Variants in KIRREL3 observed in about 807,000 individuals in gnomAD.
KIRREL3 encodes kirre like nephrin family adhesion molecule 3.
KIRREL3 carries 36 observed loss-of-function variants against 89.7 expected under a neutral mutation model. The ratio of observed to expected loss-of-function variants is 0.40; its 90% confidence interval spans 0.31 to 0.53. The LOEUF is 0.53. KIRREL3 is among the 20% of genes least tolerant of loss of function. The probability of loss-of-function intolerance (pLI) is 0.49; values close to 1 mark genes in which losing one functional copy is unlikely to be tolerated. For synonymous variants in KIRREL3, 445 were observed against 441.4 expected, an observed-to-expected ratio of 1.01 and a Z score of -0.10; for missense variants, 864 against 1,056.6, an observed-to-expected ratio of 0.82 and a Z score of 2.53.
At chr11:126,880,408 C>T (rs1168935453) in intron 1 of KIRREL3, among the ~76,000 whole-genome samples, 1 of 152,172 alleles carries the variant, frequency 6.6e-6, no homozygotes, top group Non-Finnish European at 1.5e-5. Context: ...ATCATTTGTG[C>T]CTTCCTCCAA....
rs199586143 is a variant in KIRREL3 at position 126,517,136 on chromosome 11, A to AAGAGAGAGAGAGAGAGAGAGAG, written c.433+4157_433+4178dup. ...TTAGAGATTGAGAGAGAGAGAGAGAAAGAGAGAGAGAGAGAGAGAGAGAGA... is the reference window on the plus strand; with the variant it reads ...TTAGAGATTGAGAGAGAGAGAGAGAAAGAGAGAGAGAGAGAGAGAGAGAGAGAGAGAGAGAGAGAGAGAGAGA... On this transcript the variant is annotated intron_variant, in intron 4 of 16. Coordinates refer to ENST00000525144, the MANE Select transcript of KIRREL3 (RefSeq NM_032531.4). Among the ~76,000 whole-genome samples the AAGAGAGAGAGAGAGAGAGAGAG allele has an allele frequency of 3.2e-3, 446 of 140,868 alleles. 9 individuals are homozygous for AAGAGAGAGAGAGAGAGAGAGAG. Among genetic ancestry groups the AAGAGAGAGAGAGAGAGAGAGAG allele is most frequent in the Middle Eastern group, 0.012 (3 of 254 alleles). 92.4% of individuals were successfully genotyped at this position (140,868 alleles called of 152,430 possible).
chr11:126,467,629 C>CT (rs546070258), intron 5 of KIRREL3, among the ~76,000 whole-genome samples: 54 of 140,938 alleles, frequency 3.8e-4, no homozygotes, highest in Middle Eastern at 3.6e-3. Context: ...TGCTGGGTCC[C>CT]TTTTTTTTTT....
At position 126,520,662 on chromosome 11, in the gene KIRREL3, T is replaced by C. The variant is rs1241723834; in HGVS notation, c.433+653A>G. Among the ~76,000 whole-genome samples, 2 of 152,278 alleles carry C rather than the reference T, an allele frequency of 1.3e-5. No individual in the cohort carries two copies. Among genetic ancestry groups the C allele is most frequent in the East Asian group, 3.9e-4 (2 of 5,176 alleles). ...TAAGAGGTCACCGAGCCCATTCCCC[T>C]GTCTTCAGGCAAGATGATCCAGGAA... is the stretch of plus-strand genomic sequence containing the variant. On this transcript the variant is annotated intron_variant, in intron 4 of 16. Coordinates refer to ENST00000525144, the MANE Select transcript of KIRREL3 (RefSeq NM_032531.4). This position sits in a 1 kb window ranked among gnomAD's most constrained non-coding sequence, Gnocchi z 4.9.
rs1008005373 is a variant in KIRREL3 at position 126,623,628 on chromosome 11, G to A, written c.56-60716C>T. 2.0e-5 allele frequency among the ~76,000 whole-genome samples: 3 copies of A among 152,090 alleles called. No individual in the cohort carries two copies. Among genetic ancestry groups the A allele is most frequent in the Non-Finnish European group, 2.9e-5 (2 of 68,018 alleles). ...ACAGCTGATGGGCCAGCAAGGATGC[G>A]GGGAGGATACCTGTGGTCAGGACCA... is the stretch of plus-strand genomic sequence containing the variant. On this transcript the variant is annotated intron_variant, in intron 1 of 16. Transcript: ENST00000525144. The surrounding 1 kb of genome is among the most constrained non-coding windows in gnomAD (Gnocchi z 4.1).
intron 2 of KIRREL3, among the ~76,000 whole-genome samples, chr11:126,556,211 G>T (rs1285235915): frequency 6.6e-6 from 1 of 152,202 alleles, no homozygotes; most frequent in Admixed American, 6.5e-5. Flanking sequence ...TGCAGTCCAG[G>T]GGAGAGAGGC....
chr11:126,702,435 TC>T (rs1947348119), intron 1 of KIRREL3, among the ~76,000 whole-genome samples: 1 of 151,516 alleles, frequency 6.6e-6, no homozygotes, highest in Admixed American at 6.6e-5. Context: ...GCCACACTGT[TC>T]CCATTACTCA....
In KIRREL3 at chr11:126,843,472, A is replaced by T. The variant is rs149246254; in HGVS notation, c.55+156983T>A. Among the ~76,000 whole-genome samples the T allele has an allele frequency of 6.5e-3, 994 of 152,184 alleles. 26 individuals are homozygous for T. Among genetic ancestry groups the T allele is most frequent in the Admixed American group, 0.061 (926 of 15,286 alleles). On this transcript the variant is annotated intron_variant, in intron 1 of 16. Transcript: ENST00000525144. This position sits in a 1 kb window ranked among gnomAD's most constrained non-coding sequence, Gnocchi z 4.6. ...ACTCCATTCCCAAAGTCCTGCTTTC[A>T]ATTGTGATCTGCCCAGTCTCGTCCC...
intron 6 of KIRREL3, among the ~76,000 whole-genome samples, chr11:126,457,383 A>G (rs1316461764): frequency 5.5e-5 from 8 of 146,654 alleles, no homozygotes; most frequent in African/African-American, 1.0e-4. Context: ...GTATGTGTGT[A>G]TGCGTGTGTG....
At chr11:126,649,609 G>A (rs1227187069) in intron 1 of KIRREL3, among the ~76,000 whole-genome samples, 3 of 152,196 alleles carry the variant, frequency 2.0e-5, no homozygotes, top group Admixed American at 6.5e-5. Context: ...CTCATATCCA[G>A]GTCATGCTGA....
chr11:126,881,358 A>G (rs1295939744), intron 1 of KIRREL3, among the ~76,000 whole-genome samples: 1 of 151,986 alleles, frequency 6.6e-6, no homozygotes, highest in African/African-American at 2.4e-5. Context: ...AGAGCCCACA[A>G]ACGGGCTGGC....
chr11:126,648,462 C>T, intron 1 of KIRREL3, among the ~76,000 whole-genome samples: 1 of 152,288 alleles, frequency 6.6e-6, no homozygotes, highest in South Asian at 2.1e-4. Flanking sequence ...TGGGGACTGA[C>T]CATCTTATTT....
chr11:126,704,440 T>C lies in KIRREL3; in HGVS notation c.56-141528A>G, dbSNP rs759325951. ...AAAGACTGCAGCAACCAGCCCCAGC[T>C]GGCTGTAGGGGCTCACAGTCTTGTC... is the stretch of plus-strand genomic sequence containing the variant. On this transcript the variant is annotated intron_variant, in intron 1 of 16. Transcript: ENST00000525144. This position sits in a 1 kb window ranked among gnomAD's most constrained non-coding sequence, Gnocchi z 4.2. Among the ~76,000 whole-genome samples the C allele has an allele frequency of 2.4e-4, 36 of 152,210 alleles. No homozygotes were observed. Among genetic ancestry groups the C allele is most frequent in the Non-Finnish European group, 5.1e-4 (35 of 68,032 alleles).
chr11:126,619,849 C>T (rs989983321), intron 1 of KIRREL3, among the ~76,000 whole-genome samples: 5 of 152,208 alleles, frequency 3.3e-5, no homozygotes, highest in African/African-American at 1.2e-4. Flanking sequence ...CTCATACCCA[C>T]CAGTCTTAAG....
At chr11:126,638,950 C>T (rs1944367646) in intron 1 of KIRREL3, among the ~76,000 whole-genome samples, 1 of 152,074 alleles carries the variant, frequency 6.6e-6, no homozygotes, top group African/African-American at 2.4e-5. Context: ...TTTTGCTTAC[C>T]ACTGCATCCC....
chr11:126,823,230 T>C (rs1176790268), intron 1 of KIRREL3, among the ~76,000 whole-genome samples: 2 of 152,206 alleles, frequency 1.3e-5, no homozygotes, highest in East Asian at 3.9e-4. Context: ...TACTTTCATA[T>C]ACTTGATGTC....
At chr11:126,887,531 T>C (rs1028761006) in intron 1 of KIRREL3, among the ~76,000 whole-genome samples, 2 of 152,194 alleles carry the variant, frequency 1.3e-5, no homozygotes, top group Non-Finnish European at 2.9e-5. Flanking sequence ...CATGTTGTTC[T>C]GTAACCCACC....
chr11:126,425,262 G>C (rs1168819203), intron 16 of KIRREL3, among the ~76,000 whole-genome samples: 1 of 152,236 alleles, frequency 6.6e-6, no homozygotes, highest in African/African-American at 2.4e-5. Flanking sequence ...GGGAGGGACG[G>C]CAAGGGTGAG....
intron 1 of KIRREL3, among the ~76,000 whole-genome samples, chr11:126,588,241 C>T (rs752248763): frequency 2.0e-4 from 31 of 152,192 alleles, no homozygotes; most frequent in Non-Finnish European, 3.8e-4. Flanking sequence ...CTGGCTCTAT[C>T]ACTTATTAGA....
chr11:126,921,067 G>C (rs960985813), intron 1 of KIRREL3, among the ~76,000 whole-genome samples: 4 of 152,176 alleles, frequency 2.6e-5, no homozygotes, highest in African/African-American at 9.7e-5. Context: ...CTAAAGGCCT[G>C]GATAGAACCA....
Sources: gnomAD v4.1 joint callset for allele counts (sites outside exome capture counted in the v4.1 genomes callset) on GRCh38, gnomAD v4.1.1 for gene constraint, Gnocchi (gnomAD v3.1) non-coding constraint, MANE v1.5 for transcripts, NCBI Gene and HGNC (gene_info 2026-07-23, HGNC 2026-07-21) for gene names.